ABRAXAS1: variants seen among roughly 807,000 people sequenced by gnomAD.
ABRAXAS1 encodes the protein abraxas 1, BRCA1 A complex subunit, also known as BRCA1-A complex subunit Abraxas 1.
In ABRAXAS1, 26 loss-of-function variants were observed where a neutral mutation model predicts 38.4. The observed-to-expected ratio is 0.68, with a 90% CI of 0.50 to 0.94. The LOEUF (loss-of-function observed/expected upper bound fraction) is 0.94, where lower values mean the gene tolerates loss of function less well. Ranked by LOEUF, ABRAXAS1 falls within the 40% of genes least tolerant of loss-of-function variation. The pLI is 0.00. For missense variants in ABRAXAS1, 438 were observed against 481.9 expected (o/e 0.91, Z 0.85); for synonymous variants, 144 against 165.5 (o/e 0.87, Z 1.00).
chr4:83,479,971 A>C (rs1383013534), intron 2 of ABRAXAS1: 2 of 156,508 alleles, frequency 1.3e-5, no homozygotes, highest in Non-Finnish European at 2.8e-5. Context: ...AAAAAAAAAA[A>C]AAACAAAGAG....
At chr4:83,470,487 G>T in intron 4 of ABRAXAS1, 91 bp from the exon 5 acceptor site, 2 of 921,668 alleles carry the variant, frequency 2.2e-6, no homozygotes, top group African/African-American at 1.7e-5. Flanking sequence ...ACCTTAAAAT[G>T]GCTTTCTTAA....
rs776208491 is a variant in ABRAXAS1, at chr4:83,462,447, TCTC to T, written c.*19_*21del. On this transcript the variant is annotated 3_prime_UTR_variant, in exon 9 of 9. Coordinates refer to ENST00000321945, the MANE Select transcript of ABRAXAS1 (RefSeq NM_139076.3). Reference sequence around the variant, plus strand: ...TTTACCCATCAGCCAAATAAAAAAATCTCCTTGTAAGGTTAAAAGGATCAAAAT... The same window carrying T: ...TTTACCCATCAGCCAAATAAAAAAATCTTGTAAGGTTAAAAGGATCAAAAT... 2.6e-6 allele frequency: 4 copies of T among 1,567,200 alleles called. No individual in the cohort carries two copies. The highest frequency in any genetic ancestry group is 2.0e-5 in the Admixed American group (1 of 50,764).
chr4:83,476,433 CAG>C (rs1722770798), intron 3 of ABRAXAS1, among the ~76,000 whole-genome samples: 1 of 152,036 alleles, frequency 6.6e-6, no homozygotes, highest in Non-Finnish European at 1.5e-5. Flanking sequence ...TAATGAAGAT[CAG>C]CATTAAGTAA....
intron 2 of ABRAXAS1, chr4:83,480,141 A>C (rs1722935341): frequency 4.2e-6 from 1 of 236,696 alleles, no homozygotes; most frequent in South Asian, 4.0e-5. Flanking sequence ...GGCCGAGGTG[A>C]GAGGATCACT....
At chr4:83,469,252 T>TA in intron 5 of ABRAXAS1, 101 bp from the exon 6 acceptor site, 1 of 1,000,922 alleles carries the variant, frequency 1.0e-6, no homozygotes, top group Non-Finnish European at 1.5e-6. Context: ...TTTAAAAAAA[T>TA]ACACCCCCCA....
chr4:83,462,490 A>G lies in ABRAXAS1; in HGVS notation c.1209T>C (p.Tyr403=). ...AGGATCAAAATGTAGGAGACCGTGA[A>G]TATTCACCAAAACCCTTCATCTTTT... ...EIEKMKGFGE[Y]SRSPTF The change falls in exon 9 of 9, where the codon TAT becomes TAC. Residue 403 remains tyrosine (Y), a synonymous_variant. Coordinates refer to ENST00000321945, the MANE Select transcript of ABRAXAS1 (RefSeq NM_139076.3). The G allele has an allele frequency of 6.2e-7, 1 of 1,613,090 alleles. No individual in the cohort carries two copies. Among genetic ancestry groups the G allele is most frequent in the Non-Finnish European group, 8.5e-7 (1 of 1,179,628 alleles).
Position 83,461,137 on chromosome 4 carries a change from A to C in ABRAXAS1, c.*1332T>G. On this transcript the variant is annotated 3_prime_UTR_variant, in exon 9 of 9. Coordinates refer to ENST00000321945, the MANE Select transcript of ABRAXAS1 (RefSeq NM_139076.3). ...TCTTTACAGGGTTTATGCCAGTTAC[A>C]TACAAGGATCCTGCATATCTCAAGG... The C allele has an allele frequency of 6.2e-7, 1 of 1,613,662 alleles. No homozygotes were observed. Among genetic ancestry groups the C allele is most frequent in the Non-Finnish European group, 8.5e-7 (1 of 1,179,844 alleles).
chr4:83,484,912 C>G, intron 1 of ABRAXAS1, 74 bp downstream of exon 1: 1 of 1,315,440 alleles, frequency 7.6e-7, no homozygotes, highest in South Asian at 1.4e-5. Context: ...GGGACCGGAG[C>G]AACAGCGGGG....
At chr4:83,478,319 G>A (rs1722860514) in intron 2 of ABRAXAS1, 2 of 623,538 alleles carry the variant, frequency 3.2e-6, no homozygotes, top group Non-Finnish European at 6.3e-6. Context: ...GAAACATGAG[G>A]GCTTTTTTGT....
intron 3 of ABRAXAS1, among the ~76,000 whole-genome samples, chr4:83,472,703 CTAT>C (rs1722627420): frequency 6.6e-6 from 1 of 152,062 alleles, no homozygotes; most frequent in African/African-American, 2.4e-5. Flanking sequence ...AACAAAAAGA[CTAT>C]TATTCACTGC....
At chr4:83,463,362 G>A (rs180953179) in intron 8 of ABRAXAS1, 132 bp downstream of exon 8, 32 of 541,272 alleles carry the variant, frequency 5.9e-5, no homozygotes, top group Middle Eastern at 5.0e-4. Context: ...GACCCCAGGA[G>A]GCAGAGGTTG....
chr4:83,465,160 G>A (rs1722300729), intron 7 of ABRAXAS1, among the ~76,000 whole-genome samples: 1 of 151,992 alleles, frequency 6.6e-6, no homozygotes, highest in African/African-American at 2.4e-5. Context: ...GCCTGGCGTA[G>A]TGGTGGGTGC....
At chr4:83,468,836 T>C (rs533427311) in intron 6 of ABRAXAS1, among the ~76,000 whole-genome samples, 196 bp downstream of exon 6, 1 of 152,086 alleles carries the variant, frequency 6.6e-6, no homozygotes, top group Admixed American at 6.6e-5. Flanking sequence ...CCACCATGCC[T>C]GGACTAACCA....
chr4:83,468,941 C>T, intron 6 of ABRAXAS1, 91 bp downstream of exon 6: 1 of 1,455,990 alleles, frequency 6.9e-7, no homozygotes, highest in Non-Finnish European at 9.5e-7. Context: ...ATTAATTTTC[C>T]CTTGAATTTT....
At chr4:83,478,019 G>T in intron 2 of ABRAXAS1, 1 of 972,612 alleles carries the variant, frequency 1.0e-6, no homozygotes, top group Admixed American at 1.7e-5. Context: ...ATACCAACAG[G>T]AAGGCACCAG....
intron 3 of ABRAXAS1, among the ~76,000 whole-genome samples, chr4:83,476,179 G>A (rs1019494612): frequency 6.6e-6 from 1 of 152,192 alleles, no homozygotes; most frequent in African/African-American, 2.4e-5. Context: ...TCCAGCCTGA[G>A]TGACAGAGTG....
Position 83,485,051 on chromosome 4 carries a change from C to T in ABRAXAS1, c.22G>A (p.Ala8Thr). The change falls in exon 1 of 9, where the codon GCG becomes ACG. Residue 8 changes from alanine to threonine, a missense_variant. Ala to Thr is a moderately conservative substitution (Grantham distance 58, BLOSUM62 0). Transcript: ENST00000321945. The part of the protein sequence containing the change: MEGESTS[A>T]VLSGFVLGAL... ...CCGAGCACAAAGCCCGAGAGCACCG[C>T]CGACGTACTCTCCCCCTCCATGCTA... is the stretch of plus-strand genomic sequence containing the variant. 2 of 1,594,266 alleles carry T rather than the reference C, an allele frequency of 1.3e-6. No homozygotes were observed. Among genetic ancestry groups the T allele is most frequent in the Non-Finnish European group, 1.7e-6 (2 of 1,171,068 alleles).
Position 83,462,257 on chromosome 4 carries a change from G to T in ABRAXAS1, c.*212C>A. 1 of 518,872 alleles carries T rather than the reference G, an allele frequency of 1.9e-6. No individual in the cohort carries two copies. Among genetic ancestry groups the T allele is most frequent in the Non-Finnish European group, 3.4e-6 (1 of 295,284 alleles). 32.1% of individuals were successfully genotyped at this position (518,872 alleles called of 1,614,324 possible). The stretch of plus-strand genomic sequence containing the variant: ...TCCCCTCAACAACTTAGTGAAAGGT[G>T]AAAAAAAGGTTTGGAAATAAAAGCA... On this transcript the variant is annotated 3_prime_UTR_variant, in exon 9 of 9. Transcript: ENST00000321945.
At chr4:83,476,320 G>A (rs775216092) in intron 3 of ABRAXAS1, among the ~76,000 whole-genome samples, 7 of 152,304 alleles carry the variant, frequency 4.6e-5, no homozygotes, top group Non-Finnish European at 1.0e-4. Context: ...TGCTATTGAT[G>A]ATGTATAAGA....
Sources: allele counts gnomAD v4.1 joint callset (sites outside exome capture counted in the v4.1 genomes callset), GRCh38; gene constraint gnomAD v4.1.1; transcripts MANE v1.5; gene names NCBI Gene and HGNC (gene_info 2026-07-23, HGNC 2026-07-21).